The following CCNY variants were observed in gnomAD, a reference collection of about 807,000 sequenced individuals.
CCNY encodes cyclin-Y.
A neutral mutation model predicts 42.8 loss-of-function variants in CCNY; 19 were observed. The observed-to-expected ratio is 0.44, with a 90% CI of 0.31 to 0.65. The LOEUF (loss-of-function observed/expected upper bound fraction) is 0.65, where lower values mean the gene tolerates loss of function less well. Among genes scored for constraint, CCNY ranks in the 30% least tolerant of loss-of-function variants. CCNY has a pLI of 0.07. For missense variants in CCNY, 370 were observed against 437.3 expected, an observed-to-expected ratio of 0.85 and a Z score of 1.37; for synonymous variants, 165 against 162.7, an observed-to-expected ratio of 1.01 and a Z score of -0.11.
At position 35,398,437 on chromosome 10, in the gene CCNY, C is replaced by T. The variant is rs1837572173; in HGVS notation, c.154+61230C>T. On this transcript the variant is annotated intron_variant, in intron 1 of 9. Transcript: ENST00000374704. ...GCAGCCTGTGCTAATCCTCTCAGGT[C>T]CTTTTGTTACGACTGTGGAGCCCCA... 2.6e-5 allele frequency among the ~76,000 whole-genome samples: 4 copies of T among 152,172 alleles called. No individual in the cohort carries two copies. The South Asian group carries it at 8.3e-4, about 32-fold the overall frequency.
At chr10:35,511,204 G>A (rs550031771) in intron 3 of CCNY, among the ~76,000 whole-genome samples, 1 of 152,200 alleles carries the variant, frequency 6.6e-6, no homozygotes, top group Non-Finnish European at 1.5e-5. Flanking sequence ...CCCACAGTTG[G>A]GGGCAGTGAG....
chr10:35,415,961 G>A (rs1421674566), intron 1 of CCNY, among the ~76,000 whole-genome samples: 2 of 152,176 alleles, frequency 1.3e-5, no homozygotes, highest in Non-Finnish European at 2.9e-5. Context: ...ATTTAGAATT[G>A]GTGTATTGGA....
intron 1 of CCNY, among the ~76,000 whole-genome samples, chr10:35,341,449 A>G (rs1429786811): frequency 6.6e-6 from 1 of 152,248 alleles, no homozygotes; most frequent in East Asian, 1.9e-4. Context: ...TTTATGATAT[A>G]CTATATAAGT....
chr10:35,383,433 G>T (rs573338199), intron 1 of CCNY, among the ~76,000 whole-genome samples: 1 of 151,770 alleles, frequency 6.6e-6, no homozygotes, highest in East Asian at 1.9e-4. Context: ...CCAGCCTCCC[G>T]AGTAGCTGGG....
At chr10:35,284,806 GT>G (rs746327626) in intron 3 of CCNY, among the ~76,000 whole-genome samples, 1 of 151,932 alleles carries the variant, frequency 6.6e-6, no homozygotes, top group African/African-American at 2.4e-5. Flanking sequence ...ATTTTGATAT[GT>G]TCTATTTTCA....
chr10:35,554,110 G>C (rs1841315492), intron 8 of CCNY, among the ~76,000 whole-genome samples: 1 of 152,084 alleles, frequency 6.6e-6, no homozygotes, highest in Non-Finnish European at 1.5e-5. Context: ...CCACATCCCT[G>C]CCCCCAGTAA....
At chr10:35,294,134 A>C (rs746784673) in intron 3 of CCNY, among the ~76,000 whole-genome samples, 4 of 152,224 alleles carry the variant, frequency 2.6e-5, no homozygotes, top group Admixed American at 2.6e-4. Context: ...AACTTTACAG[A>C]ACTCATAGCT....
At chr10:35,277,563 A>G (rs1835253151) in intron 3 of CCNY, among the ~76,000 whole-genome samples, 1 of 152,260 alleles carries the variant, frequency 6.6e-6, no homozygotes, top group East Asian at 1.9e-4. Flanking sequence ...AGGCCTTTGG[A>G]ACTGGTGATA....
At chr10:35,300,595 T>G (rs1835522406) in intron 3 of CCNY, among the ~76,000 whole-genome samples, 1 of 152,198 alleles carries the variant, frequency 6.6e-6, no homozygotes, top group Admixed American at 6.6e-5. Context: ...TTGCATTCGC[T>G]TATACAATTT....
chr10:35,317,091 T>A (rs1269365503), intron 3 of CCNY, among the ~76,000 whole-genome samples: 1 of 152,172 alleles, frequency 6.6e-6, no homozygotes, highest in Non-Finnish European at 1.5e-5. Context: ...AGATGATCCA[T>A]CCGCTTCAGT....
chr10:35,435,510 G>A (rs968238588), intron 1 of CCNY, among the ~76,000 whole-genome samples: 8 of 152,184 alleles, frequency 5.3e-5, no homozygotes, highest in African/African-American at 1.9e-4. Flanking sequence ...TCTACCTGAG[G>A]ATAAGTAATA....
chr10:35,317,465 T>C (rs1361737817), intron 3 of CCNY, among the ~76,000 whole-genome samples: 2 of 152,198 alleles, frequency 1.3e-5, no homozygotes, highest in Non-Finnish European at 2.9e-5. Flanking sequence ...AAGCAGCACA[T>C]GTGTTTAATC....
At chr10:35,259,672 GTTTT>G (rs1202854456) in intron 3 of CCNY, among the ~76,000 whole-genome samples, 1 of 86,372 alleles carries the variant, frequency 1.2e-5, no homozygotes, top group South Asian at 4.0e-4. Context: ...CTGGCTAATT[GTTTT>G]TTTTTTTTTT....
rs1020160159 is a variant in CCNY, at chr10:35,572,658, A to G, written c.*3488A>G. 19 of 152,262 alleles carry G rather than the reference A, an allele frequency of 1.2e-4. No homozygotes were observed. The highest frequency in any genetic ancestry group is 4.3e-4 in the African/African-American group (18 of 41,470). 9.4% of individuals were successfully genotyped at this position (152,262 alleles called of 1,614,324 possible). A position where few individuals can be genotyped will look rare whatever the true frequency, so the allele number is the denominator to read the frequency against. ...TAATAAATGTTAAATAAATATATAC[A>G]TAGAACAAAGTAGTGCCTGCCTTCC... is the stretch of plus-strand genomic sequence containing the variant. On this transcript the variant is annotated 3_prime_UTR_variant, in exon 10 of 10. Coordinates refer to ENST00000374704, the MANE Select transcript of CCNY (RefSeq NM_145012.6).
chr10:35,458,671 C>T (rs555927145), intron 1 of CCNY, among the ~76,000 whole-genome samples: 100 of 152,250 alleles, frequency 6.6e-4, no homozygotes, highest in Non-Finnish European at 9.4e-4. Flanking sequence ...TCTTACCTTC[C>T]GCATCTGTAG....
intron 1 of CCNY, among the ~76,000 whole-genome samples, chr10:35,368,961 C>T (rs548320447): frequency 2.0e-5 from 3 of 152,196 alleles, no homozygotes; most frequent in Non-Finnish European, 4.4e-5. Flanking sequence ...TATTTGGCTT[C>T]AGAAGTTGTT....
chr10:35,491,050 G>C (rs1432733314), intron 2 of CCNY, among the ~76,000 whole-genome samples: 3 of 152,152 alleles, frequency 2.0e-5, no homozygotes, highest in Non-Finnish European at 2.9e-5. Context: ...GTGTGGAGGA[G>C]GGTGGGTACT....
chr10:35,524,899 C>T (rs1222559295), intron 4 of CCNY, among the ~76,000 whole-genome samples: 2 of 152,156 alleles, frequency 1.3e-5, no homozygotes, highest in Admixed American at 6.5e-5. Flanking sequence ...CTGGTGTAGA[C>T]TTTCCGCAAA....
chr10:35,278,932 A>G lies in CCNY; in HGVS notation c.-9+28306A>G, dbSNP rs75251570. On this transcript the variant is annotated intron_variant, in intron 3 of 11. Transcript: ENST00000374706. ...TTTTCTATTTCATTAGTTCTTCTCT[A>G]TTGGCCCATTCTCATCAGTACATGA... Among the ~76,000 whole-genome samples the G allele has an allele frequency of 8.6e-4, 131 of 152,150 alleles. 1 individual carries two copies. In the East Asian group the frequency reaches 0.024, roughly 28 times the overall value.
Sources: allele counts gnomAD v4.1 joint callset (sites outside exome capture counted in the v4.1 genomes callset), GRCh38; gene constraint gnomAD v4.1.1; transcripts MANE v1.5; gene names NCBI Gene and HGNC (gene_info 2026-07-23, HGNC 2026-07-21).